Variants in WDFY3 observed in about 807,000 individuals in gnomAD.
WDFY3 encodes WD repeat and FYVE domain-containing protein 3.
In WDFY3, 66 loss-of-function variants were observed where a neutral mutation model predicts 409.6. The ratio of observed to expected loss-of-function variants is 0.16; its 90% CI spans 0.13 to 0.20. The LOEUF (loss-of-function observed/expected upper bound fraction) is 0.20. WDFY3 is among the 10% of genes least tolerant of loss of function. The pLI, the probability that WDFY3 is intolerant of heterozygous loss-of-function variation, is 1.00. For synonymous variants in WDFY3, 1,521 were observed against 1,537.1 expected (o/e 0.99, Z 0.25); for missense variants, 3,031 against 4,298.1 (o/e 0.71, Z 8.24).
At chr4:84,942,550 A>T (rs1231814835) in intron 1 of WDFY3, among the ~76,000 whole-genome samples, 1 of 152,188 alleles carries the variant, frequency 6.6e-6, no homozygotes, top group East Asian at 1.9e-4. Context: ...GAATTTATAG[A>T]TCCTAATGAA....
intron 39 of WDFY3, 40 bp from the exon 40 acceptor site, chr4:84,739,159 G>A (rs1373716894): frequency 1.3e-6 from 2 of 1,587,518 alleles, no homozygotes; most frequent in Non-Finnish European, 1.7e-6. Context: ...TGAAGGAAAT[G>A]ATTAGCTGAA....
At chr4:84,729,666 A>C (rs1234442923) in intron 44 of WDFY3, among the ~76,000 whole-genome samples, 2 of 121,818 alleles carry the variant, frequency 1.6e-5, no homozygotes, top group Admixed American at 2.0e-4. Context: ...TCAAAGTTTA[A>C]GAAATAAAAC....
In WDFY3 at chr4:84,786,108, T is replaced by C. The variant is rs1560756478; in HGVS notation, c.3933A>G (p.Pro1311=). Residue 1311 remains proline (P), a synonymous_variant, in exon 24 of 68, where the codon CCA becomes CCG. Coordinates refer to ENST00000295888, the MANE Select transcript of WDFY3 (RefSeq NM_014991.6). ...CKDAKSEGVV[P]SPVSLVPEEK... ...CCTCTGGTACTAATGACACAGGGGA[T>C]GGCACCACCCCTTCGGATTTTGCAT... 3.7e-6 allele frequency: 6 copies of C among 1,612,056 alleles called. No individual in the cohort carries two copies. The highest frequency in any genetic ancestry group is 5.1e-6 in the Non-Finnish European group (6 of 1,179,184).
intron 21 of WDFY3, among the ~76,000 whole-genome samples, chr4:84,791,676 C>T (rs1378876446): frequency 6.6e-6 from 1 of 152,084 alleles, no homozygotes; most frequent in Non-Finnish European, 1.5e-5. Context: ...TTATTAGTGG[C>T]TGTACTGTCC....
At chr4:84,891,023 T>C (rs1764878979) in intron 3 of WDFY3, among the ~76,000 whole-genome samples, 2 of 152,266 alleles carry the variant, frequency 1.3e-5, no homozygotes, top group African/African-American at 4.8e-5. Flanking sequence ...TTTAAAAATA[T>C]AACAACCATT....
intron 3 of WDFY3, among the ~76,000 whole-genome samples, chr4:84,880,674 CATATAT>C (rs61351182): frequency 0.014 from 695 of 50,200 alleles, no homozygotes; most frequent in Middle Eastern, 0.025. Flanking sequence ...GGGAACCATA[CATATAT>C]ATATATATAT....
chr4:84,713,306 G>A, intron 50 of WDFY3, 67 bp from the exon 51 acceptor site: 3 of 1,411,358 alleles, frequency 2.1e-6, no homozygotes, highest in Non-Finnish European at 3.0e-6. Context: ...GGAAGCCTAA[G>A]AAAGGACGAT....
At chr4:84,744,563 G>T (rs1739021964) in intron 36 of WDFY3, among the ~76,000 whole-genome samples, 1 of 152,230 alleles carries the variant, frequency 6.6e-6, no homozygotes, top group East Asian at 1.9e-4. Context: ...ATTAAAAAAA[G>T]TAAGAAGGGG....
chr4:84,765,779 T>C (rs771851735), intron 32 of WDFY3, 31 bp downstream of exon 32: 1 of 1,597,988 alleles, frequency 6.3e-7, no homozygotes, highest in East Asian at 2.2e-5. Context: ...ACCAGCTCAT[T>C]TTCAAGCAGC....
At position 84,751,617 on chromosome 4, in the gene WDFY3, C is replaced by A; in HGVS notation, c.5839G>T (p.Val1947Leu). 1 of 1,614,142 alleles carries A rather than the reference C, an allele frequency of 6.2e-7. No homozygotes were observed. The highest frequency in any genetic ancestry group is 8.5e-7 in the Non-Finnish European group (1 of 1,180,036). Reference protein sequence around the residue: ...MNRSQSEYCNVGTKTYLTNHP... With the variant: ...MNRSQSEYCNLGTKTYLTNHP... Reference sequence around the variant, plus strand: ...TTGGTCAGATATGTCTTGGTGCCCACATTGCAGTACTCTGATTGGCTCCTG... The same window carrying A: ...TTGGTCAGATATGTCTTGGTGCCCAAATTGCAGTACTCTGATTGGCTCCTG... The change falls in exon 36 of 68, where the codon GTG becomes TTG. Residue 1947 changes from valine (V) to leucine (L), a missense_variant. Val to Leu is a conservative substitution (Grantham distance 32, BLOSUM62 1). Transcript: ENST00000295888.
chr4:84,941,237 C>A (rs1367827365), intron 1 of WDFY3, among the ~76,000 whole-genome samples: 2 of 151,882 alleles, frequency 1.3e-5, no homozygotes, highest in Non-Finnish European at 2.9e-5. Context: ...AAGAGTCTAC[C>A]AAAGAAACCT....
chr4:84,742,862 C>G (rs918936825), intron 37 of WDFY3, among the ~76,000 whole-genome samples: 21 of 152,212 alleles, frequency 1.4e-4, no homozygotes, highest in African/African-American at 4.8e-4. Context: ...CCTTCCTCCA[C>G]AGAAATTCTG....
chr4:84,885,913 G>A (rs1247765118), intron 3 of WDFY3, among the ~76,000 whole-genome samples: 1 of 152,068 alleles, frequency 6.6e-6, no homozygotes, highest in African/African-American at 2.4e-5. Flanking sequence ...CAATTTTTTG[G>A]AAGCTACTTA....
At chr4:84,762,383 T>C in intron 32 of WDFY3, among the ~76,000 whole-genome samples, 1 of 148,428 alleles carries the variant, frequency 6.7e-6, no homozygotes, top group African/African-American at 2.5e-5. Context: ...AAACACTGCA[T>C]ATTCTCACTC....
intron 67 of WDFY3, among the ~76,000 whole-genome samples, chr4:84,676,838 T>C (rs1273578306): frequency 6.6e-6 from 1 of 152,190 alleles, no homozygotes; most frequent in Non-Finnish European, 1.5e-5. Flanking sequence ...GCAACACATG[T>C]TCCTGAAAGC....
chr4:84,774,104 G>A (rs550689535), intron 29 of WDFY3, among the ~76,000 whole-genome samples: 1 of 152,348 alleles, frequency 6.6e-6, no homozygotes, highest in South Asian at 2.1e-4. Flanking sequence ...GTTAGTCCAT[G>A]AGAATAACTG....
chr4:84,893,717 G>A (rs1579018781), intron 3 of WDFY3, among the ~76,000 whole-genome samples: 1 of 152,104 alleles, frequency 6.6e-6, no homozygotes, highest in Admixed American at 6.6e-5. Context: ...CTGGGCACGG[G>A]GGCTCACGCC....
At chr4:84,783,095 A>T in intron 24 of WDFY3, 21 bp from the exon 25 acceptor site, 1 of 1,595,462 alleles carries the variant, frequency 6.3e-7, no homozygotes, top group Non-Finnish European at 8.6e-7. Context: ...GGAAAGGAAA[A>T]GAATGTAATT....
Position 84,723,093 on chromosome 4 carries a change from T to A in WDFY3, c.7441+1333A>T, listed in dbSNP as rs936938077. On this transcript the variant is annotated intron_variant, in intron 46 of 67. Transcript: ENST00000295888. Reference sequence around the variant, plus strand: ...CAATGACCTAAACACAAATAATCTATCAAACTCTGTGAATTATACCTTGGC... The same window carrying A: ...CAATGACCTAAACACAAATAATCTAACAAACTCTGTGAATTATACCTTGGC... Among the ~76,000 whole-genome samples the A allele has an allele frequency of 4.6e-5, 7 of 152,198 alleles. No homozygotes were observed. In the South Asian group the frequency reaches 1.4e-3, roughly 31 times the overall value.
Sources: allele counts gnomAD v4.1 joint callset (sites outside exome capture counted in the v4.1 genomes callset), GRCh38; gene constraint gnomAD v4.1.1; transcripts MANE v1.5; gene names NCBI Gene and HGNC (gene_info 2026-07-23, HGNC 2026-07-21).